MYO1D: variants seen among roughly 807,000 people sequenced by gnomAD.
MYO1D encodes myosin ID.
Under a neutral mutation model 122.0 loss-of-function variants are expected in MYO1D, and 83 were observed. The ratio of observed to expected loss-of-function variants is 0.68; its 90% CI spans 0.57 to 0.82. The LOEUF is 0.82. MYO1D is among the 40% of genes least tolerant of loss of function. The probability of loss-of-function intolerance (pLI) is 0.00; values close to 1 mark genes in which losing one functional copy is unlikely to be tolerated. For missense variants in MYO1D, 1,157 were observed against 1,269.5 expected, an observed-to-expected ratio of 0.91 and a Z score of 1.35; for synonymous variants, 464 against 446.9, an observed-to-expected ratio of 1.04 and a Z score of -0.48.
At chr17:32,546,608 G>A (rs2086966788) in intron 21 of MYO1D, among the ~76,000 whole-genome samples, 2 of 152,240 alleles carry the variant, frequency 1.3e-5, no homozygotes, top group South Asian at 4.1e-4. Flanking sequence ...AAAAGGATTT[G>A]TGGGGGGCAT....
chr17:32,539,099 C>T (rs2150877292), intron 21 of MYO1D, among the ~76,000 whole-genome samples: 1 of 152,184 alleles, frequency 6.6e-6, no homozygotes, highest in East Asian at 1.9e-4. Context: ...CACATGTATC[C>T]TGGAACTTAA....
At chr17:32,841,522 T>C (rs1428273955) in intron 1 of MYO1D, among the ~76,000 whole-genome samples, 1 of 151,672 alleles carries the variant, frequency 6.6e-6, no homozygotes, top group Non-Finnish European at 1.5e-5. Flanking sequence ...TGCATTTAAA[T>C]TGTAGCTCCC....
chr17:32,755,475 G>A lies in MYO1D; in HGVS notation c.1467+17C>T. The A allele has an allele frequency of 6.2e-7, 1 of 1,609,796 alleles. No individual in the cohort carries two copies. The highest frequency in any genetic ancestry group is 8.5e-7 in the Non-Finnish European group (1 of 1,177,082). ...ACCTCACAGATAAAAGGAAGAAGGT[G>A]TCATTAAACACATTACCTTTCGGCT... On this transcript the variant is annotated intron_variant, in intron 11 of 21. Coordinates refer to ENST00000318217, the MANE Select transcript of MYO1D (RefSeq NM_015194.3).
intron 15 of MYO1D, among the ~76,000 whole-genome samples, chr17:32,718,145 T>C (rs2089469077): frequency 6.6e-6 from 1 of 152,202 alleles, no homozygotes; most frequent in Admixed American, 6.5e-5. Context: ...AAAATTGTGA[T>C]CAAATTTACA....
chr17:32,810,246 GGAGA>G (rs1440640285), intron 1 of MYO1D, among the ~76,000 whole-genome samples: 1 of 152,178 alleles, frequency 6.6e-6, no homozygotes, highest in East Asian at 1.9e-4. Flanking sequence ...GAGAAAGGGA[GGAGA>G]GAGTAGGTGG....
At chr17:32,874,026 T>A (rs1211357587) in intron 1 of MYO1D, among the ~76,000 whole-genome samples, 1 of 152,178 alleles carries the variant, frequency 6.6e-6, no homozygotes. Context: ...CCCCTGCTCA[T>A]GCTGCTTAAT....
chr17:32,800,786 T>C (rs2090454221), intron 1 of MYO1D, among the ~76,000 whole-genome samples: 1 of 152,090 alleles, frequency 6.6e-6, no homozygotes, highest in African/African-American at 2.4e-5. Context: ...TAGTTCACTA[T>C]AGCTTCAAAC....
intron 20 of MYO1D, among the ~76,000 whole-genome samples, chr17:32,607,861 C>G (rs556271016): frequency 7.2e-4 from 109 of 151,810 alleles, no homozygotes; most frequent in African/African-American, 2.6e-3. Context: ...AATTTTTTCA[C>G]CAGGGTGCAA....
chr17:32,643,858 T>G (rs2088244317), intron 19 of MYO1D, among the ~76,000 whole-genome samples: 1 of 152,226 alleles, frequency 6.6e-6, no homozygotes, highest in Non-Finnish European at 1.5e-5. Context: ...TTGTTGATCT[T>G]TTCAACAAAC....
chr17:32,703,453 T>C (rs2089271658), intron 16 of MYO1D, among the ~76,000 whole-genome samples: 1 of 149,170 alleles, frequency 6.7e-6, no homozygotes. Context: ...TTTTGCTTGT[T>C]TTTTTTTTTT....
intron 21 of MYO1D, among the ~76,000 whole-genome samples, chr17:32,539,249 C>T (rs866502420): frequency 6.7e-6 from 1 of 149,226 alleles, no homozygotes; most frequent in East Asian, 2.0e-4. Context: ...CAAGACCAGC[C>T]GAGGTGACGT....
At chr17:32,830,978 C>T (rs1445748100) in intron 1 of MYO1D, among the ~76,000 whole-genome samples, 1 of 152,146 alleles carries the variant, frequency 6.6e-6, no homozygotes, top group African/African-American at 2.4e-5. Context: ...ATCGCTTGAA[C>T]CCAGGAGGCG....
intron 21 of MYO1D, among the ~76,000 whole-genome samples, chr17:32,523,615 C>T (rs764579971): frequency 6.6e-6 from 1 of 151,958 alleles, no homozygotes; most frequent in Non-Finnish European, 1.5e-5. Flanking sequence ...CCAGTCCTAG[C>T]CTGGGCAACA....
intron 21 of MYO1D, chr17:32,505,547 C>A (rs1408052307): frequency 6.9e-6 from 1 of 144,012 alleles, no homozygotes; most frequent in Non-Finnish European, 1.5e-5. Context: ...GGACCGAGGC[C>A]CTGCATGTGG....
chr17:32,864,624 T>C (rs1004469260), intron 1 of MYO1D, among the ~76,000 whole-genome samples: 1 of 151,890 alleles, frequency 6.6e-6, no homozygotes, highest in Non-Finnish European at 1.5e-5. Context: ...TTAGTGGTTT[T>C]TCCAAGAGCA....
At chr17:32,542,700 T>G (rs1910875175) in intron 21 of MYO1D, among the ~76,000 whole-genome samples, 1 of 151,498 alleles carries the variant, frequency 6.6e-6, no homozygotes, top group African/African-American at 2.4e-5. Flanking sequence ...ATTTCAGGAA[T>G]ATCTAAATAT....
intron 8 of MYO1D, among the ~76,000 whole-genome samples, chr17:32,764,203 T>G (rs564609763): frequency 2.0e-5 from 3 of 152,144 alleles, no homozygotes; most frequent in Non-Finnish European, 4.4e-5. Context: ...CTCACCTATA[T>G]GCAATCTGAA....
chr17:32,832,977 C>A (rs929334745), intron 1 of MYO1D, among the ~76,000 whole-genome samples: 1 of 152,144 alleles, frequency 6.6e-6, no homozygotes, highest in African/African-American at 2.4e-5. Context: ...TATGGTACTC[C>A]CCCGAGTCTC....
At chr17:32,700,671 C>T (rs761022248) in intron 16 of MYO1D, among the ~76,000 whole-genome samples, 5 of 152,026 alleles carry the variant, frequency 3.3e-5, no homozygotes, top group African/African-American at 7.2e-5. Flanking sequence ...GGGCTGGGCA[C>T]GGTGGCTTAC....
Sources: allele counts gnomAD v4.1 joint callset (sites outside exome capture counted in the v4.1 genomes callset), GRCh38; gene constraint gnomAD v4.1.1; transcripts MANE v1.5; gene names NCBI Gene and HGNC (gene_info 2026-07-23, HGNC 2026-07-21).